TBL1X: variants seen among roughly 807,000 people sequenced by gnomAD.
The protein encoded by TBL1X is transducin beta like 1 X-linked.
In TBL1X, 10 loss-of-function variants were observed where a neutral mutation model predicts 50.7. That is an observed-to-expected ratio of 0.20 (90% CI 0.12 to 0.33). The LOEUF (loss-of-function observed/expected upper bound fraction) is 0.33, where lower values mean the gene tolerates loss of function less well. TBL1X is among the 10% of genes least tolerant of loss of function. TBL1X has a pLI of 1.00. For synonymous variants in TBL1X, 190 were observed against 214.7 expected, an observed-to-expected ratio of 0.88 and a Z score of 1.01; for missense variants, 340 against 504.4, an observed-to-expected ratio of 0.67 and a Z score of 3.12.
At chrX:9,537,917 G>T (rs1038609200) in intron 2 of TBL1X, among the ~76,000 whole-genome samples, 1 of 112,107 alleles carries the variant, frequency 8.9e-6, no homozygotes, top group Non-Finnish European at 1.9e-5. Flanking sequence ...GCGAGTTGTC[G>T]GCTGGGGGCC....
rs375155596 is a variant in TBL1X, at chrX:9,558,057, A to G, written c.-131+56208A>G. On this transcript the variant is annotated intron_variant, in intron 2 of 17. Transcript: ENST00000645353. The stretch of plus-strand genomic sequence containing the variant: ...TGACTCAAGTATTTTGCAAATGTCT[A>G]TGGACCCTAGTGTGATTAATAGAAA... Among the ~76,000 whole-genome samples, 221 of 112,693 alleles carry G rather than the reference A, an allele frequency of 2.0e-3. 6 individuals are homozygous for G. The South Asian group carries it at 0.075, about 38-fold the overall frequency.
chrX:9,557,641 A>G (rs1010638293), intron 2 of TBL1X, among the ~76,000 whole-genome samples: 2 of 111,451 alleles, frequency 1.8e-5, no homozygotes, highest in Non-Finnish European at 3.8e-5. Flanking sequence ...GAGCAAATTT[A>G]CTTTTGAAAT....
intron 2 of TBL1X, among the ~76,000 whole-genome samples, chrX:9,556,223 A>G (rs1420578172): frequency 9.1e-6 from 1 of 109,389 alleles, no homozygotes; most frequent in Admixed American, 9.9e-5. Context: ...AAAAAACAGT[A>G]CAAAGTGTTC....
At chrX:9,489,636 C>G (rs988129875) in intron 1 of TBL1X, among the ~76,000 whole-genome samples, 6 of 111,424 alleles carry the variant, frequency 5.4e-5, no homozygotes, top group Non-Finnish European at 1.1e-4. Context: ...GTATAGGAAG[C>G]CAAGATAAAT....
At chrX:9,688,431 G>A (rs753591299) in intron 7 of TBL1X, among the ~76,000 whole-genome samples, 156 bp downstream of exon 7, 6 of 112,241 alleles carry the variant, frequency 5.3e-5, no homozygotes, top group East Asian at 5.6e-4. Context: ...AGAACTTCCC[G>A]TTCCATTTTT....
At chrX:9,599,348 G>A (rs1328827751) in intron 2 of TBL1X, among the ~76,000 whole-genome samples, 1 of 112,267 alleles carries the variant, frequency 8.9e-6, no homozygotes, top group Non-Finnish European at 1.9e-5. Flanking sequence ...GTTACTCCCA[G>A]GTACTAGGTG....
At chrX:9,465,674 C>T (rs1196134756) in intron 1 of TBL1X, among the ~76,000 whole-genome samples, 2 of 112,953 alleles carry the variant, frequency 1.8e-5, no homozygotes, top group South Asian at 7.0e-4. Context: ...TGGCCGCTCC[C>T]CGAAGTGCCG....
chrX:9,697,254 A>G (rs2083137058), intron 11 of TBL1X, 115 bp from the exon 12 acceptor site: 5 of 973,218 alleles, frequency 5.1e-6, no homozygotes, highest in African/African-American at 3.8e-5. Context: ...CTCTATCTCT[A>G]TTGGACAGTG....
At chrX:9,621,538 T>G (rs2082666879) in intron 2 of TBL1X, among the ~76,000 whole-genome samples, 1 of 112,133 alleles carries the variant, frequency 8.9e-6, no homozygotes, top group Non-Finnish European at 1.9e-5. Flanking sequence ...GTCCTTTTTT[T>G]CTGACTCTGC....
intron 1 of TBL1X, among the ~76,000 whole-genome samples, chrX:9,484,907 C>T (rs2081902755): frequency 1.1e-5 from 1 of 91,858 alleles, no homozygotes; most frequent in Non-Finnish European, 2.1e-5. Flanking sequence ...TGTAGAGAGA[C>T]CCTGGCACTA....
At chrX:9,698,905 T>TA (rs908986236) in intron 12 of TBL1X, among the ~76,000 whole-genome samples, 1 of 56 alleles carries the variant, frequency 0.018, no homozygotes, top group African/African-American at 0.04. Context: ...CCACATGCGT[T>TA]ACCCAGGGCT....
At chrX:9,514,958 G>A (rs2082074739) in intron 2 of TBL1X, among the ~76,000 whole-genome samples, 1 of 111,939 alleles carries the variant, frequency 8.9e-6, no homozygotes, top group African/African-American at 3.2e-5. Context: ...CTTGGAGGCC[G>A]AGGTGGGAGC....
chrX:9,613,481 A>G (rs771739992), intron 2 of TBL1X, among the ~76,000 whole-genome samples: 25 of 111,790 alleles, frequency 2.2e-4, no homozygotes, highest in Non-Finnish European at 3.2e-4. Context: ...TCCAGGGTCT[A>G]TTTTGTTACC....
intron 2 of TBL1X, among the ~76,000 whole-genome samples, chrX:9,545,163 C>T (rs2082236162): frequency 9.1e-6 from 1 of 109,642 alleles, no homozygotes; most frequent in Non-Finnish European, 1.9e-5. Flanking sequence ...CCCGCCACCA[C>T]GCCCAGCTAA....
At chrX:9,468,719 G>A (rs1013819979) in intron 1 of TBL1X, among the ~76,000 whole-genome samples, 10 of 110,770 alleles carry the variant, frequency 9.0e-5, no homozygotes, top group Non-Finnish European at 1.9e-4. Context: ...CATTGAGAGA[G>A]GAGGTGGGTA....
intron 2 of TBL1X, among the ~76,000 whole-genome samples, chrX:9,603,619 G>A (rs1224629358): frequency 8.9e-6 from 1 of 111,829 alleles, no homozygotes; most frequent in African/African-American, 3.3e-5. Flanking sequence ...TAGAGGGGCC[G>A]TTTCCTACCT....
chrX:9,564,299 A>C (rs967396866), intron 2 of TBL1X, among the ~76,000 whole-genome samples: 4 of 111,063 alleles, frequency 3.6e-5, no homozygotes, highest in East Asian at 5.6e-4. Context: ...CTTATGGAGA[A>C]TATGTCCCAC....
intron 2 of TBL1X, among the ~76,000 whole-genome samples, chrX:9,569,115 G>T (rs2082369728): frequency 9.5e-6 from 1 of 105,746 alleles, no homozygotes; most frequent in African/African-American, 3.5e-5. Flanking sequence ...CTGTGTGTGT[G>T]TGGAGTGCTG....
intron 1 of TBL1X, among the ~76,000 whole-genome samples, chrX:9,491,859 A>C (rs2081946934): frequency 9.0e-6 from 1 of 111,342 alleles, no homozygotes; most frequent in South Asian, 3.8e-4. Context: ...AAAAAAAATC[A>C]AGAATTGCTT....
Sources: allele counts gnomAD v4.1 joint callset (sites outside exome capture counted in the v4.1 genomes callset), GRCh38; gene constraint gnomAD v4.1.1; transcripts MANE v1.5; gene names NCBI Gene and HGNC (gene_info 2026-07-23, HGNC 2026-07-21).